Variants in PGPEP1L observed in about 807,000 individuals in gnomAD.
PGPEP1L encodes the protein pyroglutamyl-peptidase I like.
Under a neutral mutation model 6.0 loss-of-function variants are expected in PGPEP1L, and 7 were observed. The ratio of observed to expected loss-of-function variants is 1.17; its 90% CI spans 0.66 to 2.19. PGPEP1L has a LOEUF of 2.19. Ranked by LOEUF, PGPEP1L falls within the 30% of genes most tolerant of loss-of-function variation. The pLI, the probability that PGPEP1L is intolerant of heterozygous loss-of-function variation, is 0.00. For missense variants in PGPEP1L, 209 were observed against 192.5 expected, an observed-to-expected ratio of 1.09 and a Z score of -0.51; for synonymous variants, 103 against 83.9, an observed-to-expected ratio of 1.23 and a Z score of -1.24.
chr15:99,007,187 A>G (rs1163228108), intron 1 of PGPEP1L, among the ~76,000 whole-genome samples, 172 bp downstream of exon 1: 1 of 151,924 alleles, frequency 6.6e-6, no homozygotes, highest in African/African-American at 2.4e-5. Flanking sequence ...CTAGTCTCCC[A>G]CTCCCTGTCC....
At position 98,976,527 on chromosome 15, in the gene PGPEP1L, A is replaced by C. The variant is rs548754767; in HGVS notation, c.-141-5369T>G. Among the ~76,000 whole-genome samples the C allele has an allele frequency of 6.6e-5, 10 of 152,350 alleles. No individual in the cohort carries two copies. The East Asian group carries it at 1.4e-3, about 21-fold the overall frequency. On this transcript the variant is annotated intron_variant, in intron 2 of 4. Transcript: ENST00000535714. ...CAGTATTTAAGCTGCTGGTTTGCTGAAAATGTCTCAGGACTTGAGGTGTCC... is the reference window on the plus strand; with the variant it reads ...CAGTATTTAAGCTGCTGGTTTGCTGCAAATGTCTCAGGACTTGAGGTGTCC...
chr15:98,994,129 A>G (rs145084837), intron 2 of PGPEP1L, among the ~76,000 whole-genome samples: 2,310 of 151,968 alleles, frequency 0.015, 71 homozygotes, highest in African/African-American at 0.053. Context: ...AGCCAGGCAT[A>G]GTGGCACACA....
In PGPEP1L at chr15:98,968,569, A is replaced by G. The variant is rs2017438279; in HGVS notation, c.338T>C (p.Ile113Thr). 1 of 1,579,784 alleles carries G rather than the reference A, an allele frequency of 6.3e-7. No individual in the cohort carries two copies. The highest frequency in any genetic ancestry group is 8.6e-7 in the Non-Finnish European group (1 of 1,160,974). Reference protein sequence around the residue: ...SLLGRALRVIIQEMLEEVGKP... With the variant: ...SLLGRALRVITQEMLEEVGKP... ...TCCCACCTCTTCCAGCATTTCCTGG[A>G]TGATGACTCTCAAGGCTCTTCCCAG... Residue 113 changes from isoleucine (I) to threonine (T), a missense_variant, in exon 5 of 5, where the codon ATC becomes ACC. By Grantham distance (89) the Ile-to-Thr change is moderately conservative. Coordinates refer to ENST00000535714, the MANE Select transcript of PGPEP1L (RefSeq NM_001167902.2).
intron 3 of PGPEP1L, 22 bp from the exon 4 acceptor site, chr15:98,969,673 G>C (rs775022883): frequency 1.9e-6 from 3 of 1,604,192 alleles, no homozygotes; most frequent in Non-Finnish European, 2.5e-6. Context: ...GGTAACAGCA[G>C]AGAGAACCCA....
rs370718010 is a variant in PGPEP1L at position 98,969,392 on chromosome 15, C to A, written c.209+33G>T. On this transcript the variant is annotated intron_variant, in intron 4 of 4. Coordinates refer to ENST00000535714, the MANE Select transcript of PGPEP1L (RefSeq NM_001167902.2). ...GCTGACGGCCATTGCTTCTCTCCTA[C>A]CTGCTCAGAGTCCTGACACCCACAG... 58 of 1,611,430 alleles carry A rather than the reference C, an allele frequency of 3.6e-5. No individual in the cohort carries two copies. In the African/African-American group the frequency reaches 7.1e-4, roughly 20 times the overall value.
At chr15:98,994,928 A>T (rs1426755348) in intron 2 of PGPEP1L, among the ~76,000 whole-genome samples, 2 of 152,212 alleles carry the variant, frequency 1.3e-5, no homozygotes, top group African/African-American at 4.8e-5. Context: ...ATTTACTCTA[A>T]TTAGATTGTC....
chr15:98,984,019 T>A (rs150237871), intron 2 of PGPEP1L, among the ~76,000 whole-genome samples: 33,966 of 139,234 alleles, frequency 0.24, 5,006 homozygotes, highest in Non-Finnish European at 0.35. Context: ...CTTTTTTTTT[T>A]TTTTTTTTTT....
chr15:98,994,159 A>G (rs1236902591), intron 2 of PGPEP1L, among the ~76,000 whole-genome samples: 2 of 151,086 alleles, frequency 1.3e-5, no homozygotes, highest in African/African-American at 2.4e-5. Flanking sequence ...CCAGCTACTT[A>G]CGAGACTGAG....
At chr15:98,993,382 C>T (rs1329354589) in intron 2 of PGPEP1L, among the ~76,000 whole-genome samples, 2 of 152,108 alleles carry the variant, frequency 1.3e-5, no homozygotes, top group Non-Finnish European at 2.9e-5. Flanking sequence ...AAATGCACAT[C>T]AAAACCACAA....
At chr15:98,991,739 C>T (rs924872857) in intron 2 of PGPEP1L, among the ~76,000 whole-genome samples, 2 of 152,174 alleles carry the variant, frequency 1.3e-5, no homozygotes, top group Non-Finnish European at 2.9e-5. Context: ...AGCAGCACAT[C>T]AAAAAGCTTA....
At chr15:98,993,989 C>G (rs1342512815) in intron 2 of PGPEP1L, among the ~76,000 whole-genome samples, 6 of 152,178 alleles carry the variant, frequency 3.9e-5, no homozygotes, top group Non-Finnish European at 5.9e-5. Flanking sequence ...AAATTTTGGC[C>G]TGGCACAGTG....
At chr15:98,996,985 A>C (rs955899453) in intron 2 of PGPEP1L, among the ~76,000 whole-genome samples, 15 of 152,242 alleles carry the variant, frequency 9.9e-5, no homozygotes, top group Non-Finnish European at 5.9e-5. Flanking sequence ...TGAGACACAG[A>C]AAAGCTGGGT....
chr15:98,995,695 CTAAA>C (rs1712601211), intron 2 of PGPEP1L, among the ~76,000 whole-genome samples: 2 of 152,104 alleles, frequency 1.3e-5, no homozygotes, highest in African/African-American at 2.4e-5. Context: ...GACTCTGTCT[CTAAA>C]TAAACTCTAC....
At chr15:98,997,808 G>A (rs2017908711) in intron 2 of PGPEP1L, among the ~76,000 whole-genome samples, 1 of 152,094 alleles carries the variant, frequency 6.6e-6, no homozygotes, top group African/African-American at 2.4e-5. Flanking sequence ...AGCCAGAAGG[G>A]ACACAGACAA....
chr15:98,981,489 CA>C (rs769918543), intron 2 of PGPEP1L, among the ~76,000 whole-genome samples: 837 of 82,090 alleles, frequency 0.01, 9 homozygotes, highest in African/African-American at 0.023. Flanking sequence ...GACTCCGTCT[CA>C]AAAAAAAAAA....
chr15:99,004,550 T>C (rs1158629013), intron 2 of PGPEP1L, among the ~76,000 whole-genome samples: 1 of 151,922 alleles, frequency 6.6e-6, no homozygotes. Context: ...AAACCCCATC[T>C]CTACTAAAAA....
intron 2 of PGPEP1L, among the ~76,000 whole-genome samples, chr15:98,991,669 C>G (rs576840807): frequency 6.6e-6 from 1 of 152,246 alleles, no homozygotes; most frequent in South Asian, 2.1e-4. Context: ...AATTTCAGGC[C>G]AATATCCCTG....
chr15:99,000,091 G>A (rs983989039), intron 2 of PGPEP1L, among the ~76,000 whole-genome samples: 6 of 152,256 alleles, frequency 3.9e-5, no homozygotes, highest in South Asian at 2.1e-4. Context: ...CAGTGCTTGC[G>A]GGCCAGCGCG....
At position 98,968,468 on chromosome 15, in the gene PGPEP1L, A is replaced by T. The variant is rs1567232914; in HGVS notation, c.*10T>A. 6.2e-7 allele frequency: 1 copy of T among 1,610,488 alleles called. No homozygotes were observed. Among genetic ancestry groups the T allele is most frequent in the East Asian group, 2.2e-5 (1 of 44,850 alleles). Reference sequence around the variant, plus strand: ...AACATTCAATTTTCTCTAGAGGAGCAATCCCCCGGTCAGTTCCCTTTGGCT... The same window carrying T: ...AACATTCAATTTTCTCTAGAGGAGCTATCCCCCGGTCAGTTCCCTTTGGCT... On this transcript the variant is annotated 3_prime_UTR_variant, in exon 5 of 5. Coordinates refer to ENST00000535714, the MANE Select transcript of PGPEP1L (RefSeq NM_001167902.2).
Sources: allele counts gnomAD v4.1 joint callset (sites outside exome capture counted in the v4.1 genomes callset), GRCh38; gene constraint gnomAD v4.1.1; transcripts MANE v1.5; gene names NCBI Gene and HGNC (gene_info 2026-07-23, HGNC 2026-07-21).